The following ATXN2 variants were observed in gnomAD, a reference collection of about 807,000 sequenced individuals.
ATXN2 encodes ataxin 2.
Under a neutral mutation model 138.6 loss-of-function variants are expected in ATXN2, and 37 were observed. The observed-to-expected ratio is 0.27, with a 90% CI of 0.21 to 0.35. The LOEUF (loss-of-function observed/expected upper bound fraction) is 0.35. Ranked by LOEUF, ATXN2 falls within the 10% of genes least tolerant of loss-of-function variation. The pLI is 1.00. For missense variants in ATXN2, 1,216 were observed against 1,480.3 expected (o/e 0.82, Z 2.93); for synonymous variants, 549 against 543.7 (o/e 1.01, Z -0.13).
intron 21 of ATXN2, among the ~76,000 whole-genome samples, chr12:111,459,504 C>T (rs1304032512): frequency 6.6e-6 from 1 of 151,508 alleles, no homozygotes; most frequent in East Asian, 1.9e-4. Context: ...GCAGGGGCAC[C>T]ATCTCGGCTC....
intron 1 of ATXN2, among the ~76,000 whole-genome samples, chr12:111,564,340 A>C (rs557537398): frequency 2.6e-5 from 4 of 152,276 alleles, no homozygotes; most frequent in African/African-American, 9.6e-5. Flanking sequence ...AGAAAGTTAA[A>C]ACTTTCCATT....
chr12:111,589,750 C>A (rs1388356350), intron 1 of ATXN2, among the ~76,000 whole-genome samples: 1 of 152,108 alleles, frequency 6.6e-6, no homozygotes, highest in Non-Finnish European at 1.5e-5. Context: ...CCACCCTAGG[C>A]AACAGAGTGA....
chr12:111,487,830 C>A (rs530581291), intron 15 of ATXN2, among the ~76,000 whole-genome samples: 15 of 152,066 alleles, frequency 9.9e-5, no homozygotes, highest in African/African-American at 3.4e-4. Flanking sequence ...AAAGTCATGG[C>A]TGTAAAAAAA....
chr12:111,593,499 G>A (rs919325252), intron 1 of ATXN2, among the ~76,000 whole-genome samples: 1 of 151,568 alleles, frequency 6.6e-6, no homozygotes. Flanking sequence ...GAGTAACACT[G>A]AAAATACAAG....
At chr12:111,542,149 G>A (rs1313431641) in intron 5 of ATXN2, among the ~76,000 whole-genome samples, 1 of 144,504 alleles carries the variant, frequency 6.9e-6, no homozygotes. Flanking sequence ...TTCAAAGTAT[G>A]GCATGTTTCC....
At chr12:111,508,456 T>C (rs1382178786) in intron 14 of ATXN2, among the ~76,000 whole-genome samples, 2 of 144,980 alleles carry the variant, frequency 1.4e-5, no homozygotes, top group South Asian at 2.3e-4. Context: ...TTTTTTTTTT[T>C]TTTTTTTTGA....
In ATXN2 at chr12:111,533,359, T is replaced by C. The variant is rs140122897; in HGVS notation, c.572-8043A>G. ...TCCCTGATACAAAGTGGTGTAGTAT[T>C]TGCATACTCTCGCATACTTTAAACC... On this transcript the variant is annotated intron_variant, in intron 5 of 24. Coordinates refer to ENST00000673436, the MANE Select transcript of ATXN2 (RefSeq NM_001372574.1). 5.3e-3 allele frequency among the ~76,000 whole-genome samples: 804 copies of C among 152,278 alleles called. 9 individuals carry two copies. The highest frequency in any genetic ancestry group is 0.018 in the African/African-American group (764 of 41,548).
At chr12:111,499,271 T>C (rs1878606102) in intron 14 of ATXN2, among the ~76,000 whole-genome samples, 1 of 152,110 alleles carries the variant, frequency 6.6e-6, no homozygotes, top group Non-Finnish European at 1.5e-5. Context: ...GCCCACAGAA[T>C]GGGAGAAAAT....
upstream of ATXN2, chr12:111,599,474 G>C: frequency 4.1e-6 from 5 of 1,214,116 alleles, no homozygotes; most frequent in Non-Finnish European, 5.1e-6. Context: ...AGACTCGGTG[G>C]CCACCGCGGG....
chr12:111,455,829 A>C (rs1055593218), intron 23 of ATXN2, 200 bp downstream of exon 23: 1 of 643,108 alleles, frequency 1.6e-6, no homozygotes, highest in African/African-American at 1.8e-5. Flanking sequence ...AGGACTGACC[A>C]ATCAGCACCT....
intron 21 of ATXN2, among the ~76,000 whole-genome samples, chr12:111,462,684 A>G (rs527472496): frequency 3.5e-4 from 54 of 152,178 alleles, no homozygotes; most frequent in Non-Finnish European, 4.9e-4. Context: ...TGCTAAGGCA[A>G]TTAAGGCTTA....
intron 14 of ATXN2, among the ~76,000 whole-genome samples, chr12:111,502,647 T>C (rs1403114956): frequency 6.6e-6 from 1 of 152,114 alleles, no homozygotes; most frequent in East Asian, 1.9e-4. Flanking sequence ...GCCAGGCTGG[T>C]CTGGAACTCC....
intron 22 of ATXN2, 141 bp from the exon 23 acceptor site, chr12:111,456,397 G>C: frequency 5.9e-6 from 5 of 846,566 alleles, no homozygotes; most frequent in Non-Finnish European, 9.3e-6. Context: ...AGGGTGGTAA[G>C]AGCAAGGCTG....
chr12:111,584,658 C>A (rs1367765760), intron 1 of ATXN2, among the ~76,000 whole-genome samples: 3 of 151,890 alleles, frequency 2.0e-5, no homozygotes, highest in Admixed American at 6.6e-5. Flanking sequence ...GGTGAAACCC[C>A]ATCTCTACTA....
chr12:111,456,379 G>C, intron 22 of ATXN2, 123 bp from the exon 23 acceptor site: 1 of 1,011,528 alleles, frequency 9.9e-7, no homozygotes. Flanking sequence ...AAGTACAGGA[G>C]AATGTACAGG....
At chr12:111,558,247 T>C (rs1474189984) in intron 1 of ATXN2, among the ~76,000 whole-genome samples, 3 of 152,232 alleles carry the variant, frequency 2.0e-5, no homozygotes, top group Non-Finnish European at 4.4e-5. Context: ...AAATTCTTGT[T>C]TCTTTTTGTA....
intron 21 of ATXN2, among the ~76,000 whole-genome samples, chr12:111,461,926 G>GAAAAAAAAAAAAA (rs11356478): frequency 1.0e-5 from 1 of 97,368 alleles, no homozygotes; most frequent in Non-Finnish European, 2.4e-5. Flanking sequence ...CATCTCAAAA[G>GAAAAAAAAAAAAA]AAAAAAAAAA....
intron 20 of ATXN2, chr12:111,468,450 T>C (rs1724930642): frequency 1.3e-5 from 2 of 152,212 alleles, no homozygotes; most frequent in Admixed American, 1.3e-4. Flanking sequence ...TTAACTGTTT[T>C]ATAAAACTAA....
chr12:111,548,219 C>A (rs1881937286), intron 5 of ATXN2, among the ~76,000 whole-genome samples: 2 of 152,072 alleles, frequency 1.3e-5, no homozygotes, highest in African/African-American at 4.8e-5. Flanking sequence ...ATTAATTCGA[C>A]TTATGACAAC....
Sources: gnomAD v4.1 joint callset for allele counts (sites outside exome capture counted in the v4.1 genomes callset) on GRCh38, gnomAD v4.1.1 for gene constraint, MANE v1.5 for transcripts, NCBI Gene and HGNC (gene_info 2026-07-23, HGNC 2026-07-21) for gene names.